FLI1: variants seen among roughly 807,000 people sequenced by gnomAD.
The protein encoded by FLI1 is Friend leukemia integration 1 transcription factor.
FLI1 carries 13 observed loss-of-function variants against 53.1 expected under a neutral mutation model. That is an observed-to-expected ratio of 0.24 (90% confidence interval 0.16 to 0.39). The LOEUF is 0.39. Among genes scored for constraint, FLI1 ranks in the 10% least tolerant of loss-of-function variants. FLI1 has a pLI of 1.00. For missense variants in FLI1, 424 were observed against 600.5 expected (o/e 0.71, Z 3.07); for synonymous variants, 244 against 236.7 (o/e 1.03, Z -0.28).
chr11:128,771,250 A>G (rs1356887735), intron 3 of FLI1, among the ~76,000 whole-genome samples: 1 of 152,252 alleles, frequency 6.6e-6, no homozygotes, highest in African/African-American at 2.4e-5. Flanking sequence ...ATTCAGCAGC[A>G]GGCTGTGACC....
chr11:128,742,534 C>A (rs999031843), intron 1 of FLI1, among the ~76,000 whole-genome samples: 3 of 152,218 alleles, frequency 2.0e-5, no homozygotes, highest in African/African-American at 7.2e-5. Flanking sequence ...GGTAACCACT[C>A]ATAACATGTG....
At chr11:128,809,046 T>C in intron 7 of FLI1, 111 bp from the exon 8 acceptor site, 2 of 789,764 alleles carry the variant, frequency 2.5e-6, no homozygotes, top group South Asian at 3.9e-5. Flanking sequence ...GAAATCAGTC[T>C]TTCCTGTGAT....
chr11:128,697,930 G>A (rs547175451), intron 1 of FLI1, among the ~76,000 whole-genome samples: 192 of 152,272 alleles, frequency 1.3e-3, no homozygotes, highest in African/African-American at 4.2e-3. Context: ...GAACAATAAC[G>A]CAGGTTAGGG....
intron 1 of FLI1, among the ~76,000 whole-genome samples, chr11:128,716,252 C>T (rs767580863): frequency 3.9e-5 from 6 of 152,246 alleles, no homozygotes; most frequent in Non-Finnish European, 8.8e-5. Flanking sequence ...CTCCCCACCC[C>T]CTCCAAGCCA....
chr11:128,760,778 G>A (rs894894037), intron 2 of FLI1, among the ~76,000 whole-genome samples: 6 of 151,992 alleles, frequency 3.9e-5, no homozygotes, highest in East Asian at 1.9e-4. Context: ...CGCCTGCCTC[G>A]GCCTCCCAAA....
chr11:128,738,802 A>G (rs1016117042), intron 1 of FLI1, among the ~76,000 whole-genome samples: 1 of 152,220 alleles, frequency 6.6e-6, no homozygotes, highest in Admixed American at 6.5e-5. Context: ...AGCTCTGTGA[A>G]GACATCTTCC....
chr11:128,706,957 G>C (rs1001361169), intron 1 of FLI1, among the ~76,000 whole-genome samples: 1 of 152,188 alleles, frequency 6.6e-6, no homozygotes, highest in African/African-American at 2.4e-5. Flanking sequence ...TCCTAACCCA[G>C]TTCTCATTGT....
At chr11:128,730,173 T>G (rs1939635745) in intron 1 of FLI1, among the ~76,000 whole-genome samples, 1 of 152,230 alleles carries the variant, frequency 6.6e-6, no homozygotes, top group African/African-American at 2.4e-5. Flanking sequence ...ATGCCTACCT[T>G]GTATTGTGCA....
At chr11:128,686,381 G>C (rs1399147079), upstream of FLI1, 3 of 456,150 alleles carry the variant, frequency 6.6e-6, no homozygotes, top group Non-Finnish European at 8.8e-6. Flanking sequence ...AGGACTGTAG[G>C]GAGGAGACCC....
chr11:128,766,193 C>T (rs138264039), intron 2 of FLI1, among the ~76,000 whole-genome samples: 198 of 152,284 alleles, frequency 1.3e-3, no homozygotes, highest in African/African-American at 4.6e-3. Flanking sequence ...ATGCAGGCAC[C>T]AGGGTCTGAC....
intron 1 of FLI1, among the ~76,000 whole-genome samples, chr11:128,741,245 T>C (rs1048492371): frequency 1.3e-5 from 2 of 151,960 alleles, no homozygotes; most frequent in African/African-American, 2.4e-5. Flanking sequence ...ATACAAAAAT[T>C]AGCCAGGTGT....
Position 128,755,865 on chromosome 11 carries a change from A to G in FLI1, c.19-2250A>G, listed in dbSNP as rs535445393. ...CAAAGCCTTCTGGTGCAAAAGCAGG[A>G]CTCCTAGAGTATATTCCAGTATTTT... On this transcript the variant is annotated intron_variant, in intron 1 of 8. Coordinates refer to ENST00000527786, the MANE Select transcript of FLI1 (RefSeq NM_002017.5). Among the ~76,000 whole-genome samples, 7 of 152,112 alleles carry G rather than the reference A, an allele frequency of 4.6e-5. No homozygotes were observed. The East Asian group carries it at 1.2e-3, about 25-fold the overall frequency.
intron 4 of FLI1, among the ~76,000 whole-genome samples, chr11:128,775,595 G>T (rs1941705446): frequency 6.6e-6 from 1 of 152,194 alleles, no homozygotes; most frequent in South Asian, 2.1e-4. Context: ...GCTCTGGATT[G>T]CTGGGAACTC....
Position 128,798,848 on chromosome 11 carries a change from C to A in FLI1, c.656-6518C>A, listed in dbSNP as rs182802251. On this transcript the variant is annotated intron_variant, in intron 5 of 8. Transcript: ENST00000527786. Reference sequence around the variant, plus strand: ...AAGGCCAGGTGGCCAGTGACTCTGGCACCTGACAGTGGGGGAGGAAGGAGG... The same window carrying A: ...AAGGCCAGGTGGCCAGTGACTCTGGAACCTGACAGTGGGGGAGGAAGGAGG... Among the ~76,000 whole-genome samples, 482 of 152,152 alleles carry A rather than the reference C, an allele frequency of 3.2e-3. 3 individuals carry two copies. Among genetic ancestry groups the A allele is most frequent in the Non-Finnish European group, 4.5e-3 (304 of 67,994 alleles).
intron 1 of FLI1, among the ~76,000 whole-genome samples, chr11:128,752,421 T>C (rs1940686487): frequency 1.3e-5 from 2 of 152,236 alleles, no homozygotes; most frequent in South Asian, 4.1e-4. Context: ...AATGAAGTTC[T>C]TGGAAATTGT....
chr11:128,810,338 T>C lies in FLI1; in HGVS notation c.830-121T>C. On this transcript the variant is annotated intron_variant, in intron 8 of 8. Transcript: ENST00000527786. The surrounding 1 kb of genome is among the most constrained non-coding windows in gnomAD (Gnocchi z 6.6). ...GAAGGGCTTGTCAAGTCGATCCCAA[T>C]GTCGAAGGAAACAAAAGGTTTCTTT... 1 of 978,712 alleles carries C rather than the reference T, an allele frequency of 1.0e-6. No homozygotes were observed. The highest frequency in any genetic ancestry group is 1.7e-5 in the South Asian group (1 of 60,084). The allele number at this position is 978,712 out of a possible 1,614,324, so 60.6% of individuals were successfully genotyped here.
upstream of FLI1, chr11:128,693,427 A>G (rs1396792200): frequency 1.3e-5 from 2 of 159,730 alleles, no homozygotes; most frequent in African/African-American, 4.8e-5. Context: ...GCACTTTTTA[A>G]TGGTTGGTTT....
At chr11:128,762,458 G>GA (rs1467194891) in intron 2 of FLI1, among the ~76,000 whole-genome samples, 12 of 152,174 alleles carry the variant, frequency 7.9e-5, no homozygotes, top group Non-Finnish European at 1.6e-4. Context: ...GTTGAAAATT[G>GA]AAATGTGCTC....
intron 5 of FLI1, among the ~76,000 whole-genome samples, chr11:128,799,043 A>ATT (rs1186555006): frequency 7.8e-5 from 10 of 128,664 alleles, no homozygotes; most frequent in African/African-American, 2.1e-4. Context: ...TATTATTATT[A>ATT]TTATTATTAT....
Sources: gnomAD v4.1 joint callset for allele counts (sites outside exome capture counted in the v4.1 genomes callset) on GRCh38, gnomAD v4.1.1 for gene constraint, Gnocchi (gnomAD v3.1) non-coding constraint, MANE v1.5 for transcripts, NCBI Gene and HGNC (gene_info 2026-07-23, HGNC 2026-07-21) for gene names.